Variants in SPAG17 observed in about 807,000 individuals in gnomAD.
SPAG17 encodes sperm associated antigen 17, also known as sperm-associated antigen 17.
In SPAG17, 169 loss-of-function variants were observed where a neutral mutation model predicts 273.6. The observed-to-expected ratio is 0.62, with a 90% CI of 0.55 to 0.70. The LOEUF is 0.70. Ranked by LOEUF, SPAG17 falls within the 30% of genes least tolerant of loss-of-function variation. The pLI is 0.00. For missense variants in SPAG17, 2,557 were observed against 2,627.8 expected (o/e 0.97, Z 0.59); for synonymous variants, 825 against 873.2 (o/e 0.94, Z 0.97).
intron 19 of SPAG17, 41 bp from the exon 20 acceptor site, chr1:118,054,134 T>G (rs1421567609): frequency 1.5e-6 from 2 of 1,357,896 alleles, no homozygotes; most frequent in Non-Finnish European, 2.1e-6. Flanking sequence ...AACTCTTAAA[T>G]AAGATATCAT....
At chr1:118,093,354 T>C in intron 7 of SPAG17, 37 bp from the exon 8 acceptor site, 3 of 1,563,744 alleles carry the variant, frequency 1.9e-6, no homozygotes, top group Non-Finnish European at 2.6e-6. Context: ...TGGTTACTAG[T>C]TTTACACTGT....
At chr1:118,048,639 T>C (rs1009341613) in intron 20 of SPAG17, among the ~76,000 whole-genome samples, 1 of 152,182 alleles carries the variant, frequency 6.6e-6, no homozygotes, top group African/African-American at 2.4e-5. Flanking sequence ...GGCTCACGCC[T>C]ATAATCCCAG....
intron 30 of SPAG17, among the ~76,000 whole-genome samples, chr1:118,010,066 T>C (rs1412186958): frequency 1.3e-5 from 2 of 152,058 alleles, no homozygotes; most frequent in Non-Finnish European, 2.9e-5. Context: ...AGTAGAATGG[T>C]AGTTACCAGC....
chr1:118,007,767 C>T (rs1659050111), intron 31 of SPAG17, among the ~76,000 whole-genome samples: 1 of 152,176 alleles, frequency 6.6e-6, no homozygotes, highest in Non-Finnish European at 1.5e-5. Context: ...GTGCCTAGCA[C>T]ATAAGAAATC....
intron 3 of SPAG17, among the ~76,000 whole-genome samples, chr1:118,145,182 T>C (rs1658905601): frequency 6.6e-6 from 1 of 152,224 alleles, no homozygotes; most frequent in African/African-American, 2.4e-5. Flanking sequence ...TATTTGTACC[T>C]ATCTCTGAAG....
chr1:117,993,559 T>C (rs530087171), intron 35 of SPAG17, among the ~76,000 whole-genome samples: 1 of 152,276 alleles, frequency 6.6e-6, no homozygotes, highest in South Asian at 2.1e-4. Context: ...CACCTTCATA[T>C]TACCATGTTG....
At chr1:118,148,535 T>A (rs1659193441) in intron 3 of SPAG17, among the ~76,000 whole-genome samples, 1 of 151,930 alleles carries the variant, frequency 6.6e-6, no homozygotes, top group Non-Finnish European at 1.5e-5. Flanking sequence ...TACAGAGTGC[T>A]GATTGGCCCA....
At chr1:117,957,764 G>T (rs1216533543) in intron 48 of SPAG17, among the ~76,000 whole-genome samples, 1 of 152,192 alleles carries the variant, frequency 6.6e-6, no homozygotes, top group African/African-American at 2.4e-5. Flanking sequence ...GGTTCTTCCA[G>T]TGTGGCCCAG....
Position 118,041,831 on chromosome 1 carries a change from T to TG in SPAG17, c.3025dup (p.His1009ProfsTer6). On this transcript the variant is annotated frameshift_variant, in exon 21 of 49. Coordinates refer to ENST00000336338, the MANE Select transcript of SPAG17 (RefSeq NM_206996.4). LOFTEE classifies it high-confidence loss of function. ...GTAAGTTATCTTAGGTTCTGGTTGG[T>TG]GGGGGGACTCTTCTGTTACTTCTTG... 2.5e-6 allele frequency: 4 copies of TG among 1,613,464 alleles called. No homozygotes were observed. The highest frequency in any genetic ancestry group is 3.4e-6 in the Non-Finnish European group (4 of 1,179,768).
At chr1:118,174,175 CTG>C (rs1241999975) in intron 1 of SPAG17, among the ~76,000 whole-genome samples, 2 of 151,970 alleles carry the variant, frequency 1.3e-5, no homozygotes, top group East Asian at 1.9e-4. Flanking sequence ...AAAAAGAAAA[CTG>C]TTTTAGATAT....
Position 118,081,446 on chromosome 1 carries a change from T to C in SPAG17, c.1959A>G (p.Lys653=), listed in dbSNP as rs764720858. The stretch of plus-strand genomic sequence containing the variant: ...TCTGCTTGGCCTCTTGAGTATTCAT[T>C]TTCATGACATATTGCTGCCTTATCT... ...AKQIRQQYVM[K]MNTQEAKQKA... Residue 653 remains lysine (K), a synonymous_variant, in exon 14 of 49, where the codon AAA becomes AAG. Transcript: ENST00000336338. 1.5e-5 allele frequency: 24 copies of C among 1,613,806 alleles called. No homozygotes were observed. Among genetic ancestry groups the C allele is most frequent in the Admixed American group, 6.7e-5 (4 of 59,988 alleles).
At position 118,027,660 on chromosome 1, in the gene SPAG17, C is replaced by A. The variant is rs140115107; in HGVS notation, c.3730+614G>T. Among the ~76,000 whole-genome samples, 174 of 152,246 alleles carry A rather than the reference C, an allele frequency of 1.1e-3. 2 individuals are homozygous for A. The highest frequency in any genetic ancestry group is 4.0e-3 in the African/African-American group (166 of 41,546). Reference sequence around the variant, plus strand: ...GTTTCTATTTAAATATATTCAAATTCAGTAACAAATGCAGATGCCTCATCA... The same window carrying A: ...GTTTCTATTTAAATATATTCAAATTAAGTAACAAATGCAGATGCCTCATCA... On this transcript the variant is annotated intron_variant, in intron 26 of 48. Transcript: ENST00000336338.
chr1:117,972,080 C>G, intron 44 of SPAG17, 33 bp from the exon 45 acceptor site: 1 of 1,543,702 alleles, frequency 6.5e-7, no homozygotes, highest in Non-Finnish European at 8.8e-7. Flanking sequence ...TAAAATGGTT[C>G]TATTTTGAGT....
rs1570666286 is a variant in SPAG17 at position 118,086,135 on chromosome 1, T to C, written c.1612-63A>G. On this transcript the variant is annotated intron_variant, in intron 12 of 48. Coordinates refer to ENST00000336338, the MANE Select transcript of SPAG17 (RefSeq NM_206996.4). ...TAAGCTGTTAAGTGCCTTATGCATA[T>C]GGAGAAGGCTAAACATGATACCTTC... 2.4e-5 allele frequency: 36 copies of C among 1,469,450 alleles called. 1 individual carries two copies. The South Asian group carries it at 3.8e-4, about 15-fold the overall frequency. The allele number at this position is 1,469,450 out of a possible 1,614,324, so 91.0% of individuals were successfully genotyped here. A position where few individuals can be genotyped will look rare whatever the true frequency, so the allele number is the denominator to read the frequency against.
chr1:118,045,088 G>A (rs567735592), intron 20 of SPAG17, among the ~76,000 whole-genome samples: 6 of 152,310 alleles, frequency 3.9e-5, no homozygotes, highest in African/African-American at 1.4e-4. Context: ...CAAAAACTGA[G>A]TTTAATAGCA....
intron 27 of SPAG17, among the ~76,000 whole-genome samples, chr1:118,024,471 G>T (rs1253540137): frequency 6.6e-6 from 1 of 151,948 alleles, no homozygotes; most frequent in East Asian, 1.9e-4. Context: ...AATTTCAGGT[G>T]CTATTTCTTT....
chr1:118,100,111 C>G (rs949718607), intron 5 of SPAG17, among the ~76,000 whole-genome samples: 4 of 152,114 alleles, frequency 2.6e-5, no homozygotes, highest in Admixed American at 6.6e-5. Context: ...AAGAGTTTAG[C>G]CTGTAACTTT....
intron 48 of SPAG17, chr1:117,958,891 T>A: frequency 6.2e-7 from 1 of 1,609,436 alleles, no homozygotes; most frequent in Non-Finnish European, 8.5e-7. Flanking sequence ...AACATGGCTG[T>A]GTTTTGTTTT....
intron 3 of SPAG17, among the ~76,000 whole-genome samples, chr1:118,129,831 C>CTCT (rs1013502414): frequency 6.7e-6 from 1 of 149,892 alleles, no homozygotes; most frequent in African/African-American, 2.5e-5. Flanking sequence ...CCTCCTCTTC[C>CTCT]TCTTCTTCTT....
Sources: gnomAD v4.1 joint callset for allele counts (sites outside exome capture counted in the v4.1 genomes callset) on GRCh38, gnomAD v4.1.1 for gene constraint, MANE v1.5 for transcripts, NCBI Gene and HGNC (gene_info 2026-07-23, HGNC 2026-07-21) for gene names.